CALD1: variants seen among roughly 807,000 people sequenced by gnomAD.
CALD1 encodes caldesmon 1.
CALD1 carries 33 observed loss-of-function variants against 99.9 expected under a neutral mutation model. The ratio of observed to expected loss-of-function variants is 0.33; its 90% CI spans 0.25 to 0.44. The LOEUF is 0.44. Among genes scored for constraint, CALD1 ranks in the 20% least tolerant of loss-of-function variants. The pLI is 1.00. For synonymous variants in CALD1, 310 were observed against 325.0 expected, an observed-to-expected ratio of 0.95 and a Z score of 0.50; for missense variants, 861 against 962.1, an observed-to-expected ratio of 0.89 and a Z score of 1.39.
chr7:134,917,569 C>T (rs957342452), intron 3 of CALD1, among the ~76,000 whole-genome samples: 10 of 152,050 alleles, frequency 6.6e-5, no homozygotes, highest in African/African-American at 2.2e-4. Context: ...AGGCTGGTCT[C>T]GAACTCCTGA....
intron 9 of CALD1, among the ~76,000 whole-genome samples, chr7:134,953,879 A>G (rs891610503): frequency 2.3e-4 from 35 of 152,164 alleles, no homozygotes; most frequent in Admixed American, 8.5e-4. Flanking sequence ...TGTATAAAAA[A>G]GGTCTAGGTT....
At chr7:134,797,448 A>G (rs971697491) in intron 1 of CALD1, among the ~76,000 whole-genome samples, 1 of 152,244 alleles carries the variant, frequency 6.6e-6, no homozygotes, top group African/African-American at 2.4e-5. Flanking sequence ...GCTTTGTAAT[A>G]TCTGTGATTT....
intron 1 of CALD1, among the ~76,000 whole-genome samples, chr7:134,771,465 C>T (rs1250491775): frequency 6.6e-6 from 1 of 152,132 alleles, no homozygotes; most frequent in African/African-American, 2.4e-5. Context: ...TCATCTAAGC[C>T]ATCAGTGAAT....
chr7:134,917,130 G>T (rs1054342368), intron 3 of CALD1, among the ~76,000 whole-genome samples: 1 of 152,164 alleles, frequency 6.6e-6, no homozygotes, highest in Non-Finnish European at 1.5e-5. Context: ...ATATAGTGCT[G>T]CCAGCCATCG....
intron 2 of CALD1, among the ~76,000 whole-genome samples, chr7:134,864,491 C>G (rs767641482): frequency 6.6e-6 from 1 of 151,612 alleles, no homozygotes; most frequent in Non-Finnish European, 1.5e-5. Context: ...CTCCACCTCA[C>G]GAGTTCAAGT....
At chr7:134,789,031 T>TA (rs35315682) in intron 1 of CALD1, among the ~76,000 whole-genome samples, 78,917 of 116,820 alleles carry the variant, frequency 0.68, 28,031 homozygotes, top group Middle Eastern at 0.81. Context: ...AAACAAAAAG[T>TA]AAAAAAAAAA....
chr7:134,914,276 A>G (rs986340667), intron 3 of CALD1, among the ~76,000 whole-genome samples: 1 of 152,230 alleles, frequency 6.6e-6, no homozygotes, highest in Non-Finnish European at 1.5e-5. Flanking sequence ...GTAAAGTCAC[A>G]GCTTATGGCT....
chr7:134,893,066 G>A (rs1802320094), intron 3 of CALD1, among the ~76,000 whole-genome samples: 1 of 152,194 alleles, frequency 6.6e-6, no homozygotes, highest in Non-Finnish European at 1.5e-5. Context: ...AAAGAGCCCA[G>A]TCTGGCTGGC....
upstream of CALD1, among the ~76,000 whole-genome samples, chr7:134,740,962 A>G (rs1158463002): frequency 1.3e-5 from 2 of 152,244 alleles, no homozygotes; most frequent in Non-Finnish European, 2.9e-5. Context: ...CTATGAAATT[A>G]TTCTACTAGT....
intron 1 of CALD1, among the ~76,000 whole-genome samples, chr7:134,808,968 A>G (rs955951014): frequency 1.1e-4 from 17 of 152,262 alleles, no homozygotes; most frequent in African/African-American, 3.9e-4. Context: ...GGGATAAAAA[A>G]GTAGTTGAAT....
chr7:134,910,629 GAC>G (rs1298709180), intron 3 of CALD1, among the ~76,000 whole-genome samples: 1 of 151,946 alleles, frequency 6.6e-6, no homozygotes, highest in Non-Finnish European at 1.5e-5. Flanking sequence ...CAATAAAAAA[GAC>G]TGATGGCACA....
At chr7:134,907,841 C>A (rs1043324512) in intron 3 of CALD1, among the ~76,000 whole-genome samples, 5 of 152,034 alleles carry the variant, frequency 3.3e-5, no homozygotes, top group African/African-American at 1.2e-4. Flanking sequence ...CTGGCCGCTG[C>A]CAGTGTCCTA....
intron 9 of CALD1, among the ~76,000 whole-genome samples, chr7:134,956,817 A>C (rs1399674551): frequency 2.6e-5 from 4 of 152,114 alleles, no homozygotes; most frequent in Non-Finnish European, 4.4e-5. Context: ...CAAAGAAGGT[A>C]TTTGCTCATG....
rs532473805 is a variant in CALD1 at position 134,755,102 on chromosome 7, G to A, written c.-130+10739G>A. ...TGTAATGTCTACTTCCCAGGTTCAA[G>A]CTATTCTCCTGCCTCAGACTTCTGA... On this transcript the variant is annotated intron_variant, in intron 1 of 13. Transcript: ENST00000417172. Among the ~76,000 whole-genome samples the A allele has an allele frequency of 2.0e-5, 3 of 152,232 alleles. No individual in the cohort carries two copies. The East Asian group carries it at 5.8e-4, about 29-fold the overall frequency.
chr7:134,771,484 C>T (rs1796877446), intron 1 of CALD1, among the ~76,000 whole-genome samples: 1 of 152,170 alleles, frequency 6.6e-6, no homozygotes, highest in South Asian at 2.1e-4. Flanking sequence ...ATCTCCATGT[C>T]CTAGAATTAA....
At chr7:134,902,363 C>G (rs1803062735) in intron 3 of CALD1, among the ~76,000 whole-genome samples, 2 of 152,130 alleles carry the variant, frequency 1.3e-5, no homozygotes, top group African/African-American at 4.8e-5. Context: ...TTCCTACTTG[C>G]TTTCCCTTTC....
intron 1 of CALD1, among the ~76,000 whole-genome samples, chr7:134,809,816 G>A (rs1473986771): frequency 1.3e-5 from 2 of 152,180 alleles, no homozygotes; most frequent in Non-Finnish European, 2.9e-5. Context: ...ACAAAAGGCT[G>A]TGAGCCAACA....
At chr7:134,934,215 C>A in intron 5 of CALD1, 138 bp downstream of exon 5, 1 of 1,279,832 alleles carries the variant, frequency 7.8e-7, no homozygotes, top group Non-Finnish European at 1.1e-6. Context: ...TTTTTCAGGC[C>A]ATAGCGATAC....
intron 8 of CALD1, among the ~76,000 whole-genome samples, chr7:134,948,335 G>A (rs1457273651): frequency 6.6e-6 from 1 of 151,968 alleles, no homozygotes; most frequent in Non-Finnish European, 1.5e-5. Flanking sequence ...CTGACATGCA[G>A]GAAGAGCCCC....
Sources: gnomAD v4.1 joint callset for allele counts (sites outside exome capture counted in the v4.1 genomes callset) on GRCh38, gnomAD v4.1.1 for gene constraint, MANE v1.5 for transcripts, NCBI Gene and HGNC (gene_info 2026-07-23, HGNC 2026-07-21) for gene names.